SYNDIG1: variants seen among roughly 807,000 people sequenced by gnomAD.
SYNDIG1 encodes the protein synapse differentiation inducing 1.
SYNDIG1 carries 9 observed loss-of-function variants against 19.4 expected under a neutral mutation model. The ratio of observed to expected loss-of-function variants is 0.46; its 90% CI spans 0.28 to 0.81. SYNDIG1 has a LOEUF of 0.81. Ranked by LOEUF, SYNDIG1 falls within the 30% of genes least tolerant of loss-of-function variation. The probability of loss-of-function intolerance (pLI) is 0.12; values close to 1 mark genes in which losing one functional copy is unlikely to be tolerated. For missense variants in SYNDIG1, 311 were observed against 343.3 expected (o/e 0.91, Z 0.74); for synonymous variants, 141 against 145.9 (o/e 0.97, Z 0.24).
chr20:24,655,030 G>A (rs1048946236), intron 3 of SYNDIG1, among the ~76,000 whole-genome samples: 10 of 152,192 alleles, frequency 6.6e-5, no homozygotes, highest in Admixed American at 3.3e-4. Context: ...GGTGTGTGTT[G>A]CAGGGACAAG....
At position 24,508,218 on chromosome 20, in the gene SYNDIG1, ATTTTTTTTTTTTTT is replaced by A. The variant is rs34436263; in HGVS notation, c.-78-34787_-78-34774del. Among the ~76,000 whole-genome samples the A allele has an allele frequency of 4.5e-3, 330 of 73,252 alleles. 8 individuals are homozygous for A. The highest frequency in any genetic ancestry group is 0.019 in the African/African-American group (317 of 16,542). The allele number at this position is 73,252 out of a possible 152,430, so 48.1% of individuals were successfully genotyped here. On this transcript the variant is annotated intron_variant, in intron 1 of 3. Coordinates refer to ENST00000376862, the MANE Select transcript of SYNDIG1 (RefSeq NM_024893.3). ...TGGAAAATTAAAATTAAGGAGGATAATTTTTTTTTTTTTTTTTTTTTTTTTTTTGTGACAGAGTC... is the reference window on the plus strand; with the variant it reads ...TGGAAAATTAAAATTAAGGAGGATAATTTTTTTTTTTTTTGTGACAGAGTC...
chr20:24,582,955 C>T (rs973852673), intron 2 of SYNDIG1, among the ~76,000 whole-genome samples: 2 of 152,292 alleles, frequency 1.3e-5, no homozygotes, highest in African/African-American at 2.4e-5. Flanking sequence ...CAGGTCCCTG[C>T]CCTGCAGGCT....
chr20:24,662,068 T>A lies in SYNDIG1; in HGVS notation c.619-3278T>A, dbSNP rs546690318. ...AGCTCTCGGTCCTTTGACAGCCAGT[T>A]CCTTTGACTTGGCCACTTGATAGTG... On this transcript the variant is annotated intron_variant, in intron 3 of 3. Coordinates refer to ENST00000376862, the MANE Select transcript of SYNDIG1 (RefSeq NM_024893.3). Among the ~76,000 whole-genome samples, 30 of 152,192 alleles carry A rather than the reference T, an allele frequency of 2.0e-4. 1 individual carries two copies. The South Asian group carries it at 5.2e-3, about 26-fold the overall frequency.
chr20:24,532,151 A>C (rs2057273204), intron 1 of SYNDIG1, among the ~76,000 whole-genome samples: 1 of 152,216 alleles, frequency 6.6e-6, no homozygotes, highest in East Asian at 1.9e-4. Flanking sequence ...GAAAAAGAAC[A>C]CACTGTCTTA....
intron 2 of SYNDIG1, among the ~76,000 whole-genome samples, chr20:24,568,774 G>A (rs1385063482): frequency 2.0e-5 from 3 of 152,164 alleles, no homozygotes; most frequent in Admixed American, 2.0e-4. Flanking sequence ...TAACAATTAG[G>A]GCCGAAGAAA....
At chr20:24,576,939 A>G (rs1307282627) in intron 2 of SYNDIG1, among the ~76,000 whole-genome samples, 1 of 152,196 alleles carries the variant, frequency 6.6e-6, no homozygotes, top group Non-Finnish European at 1.5e-5. Flanking sequence ...CAAGCTTTTT[A>G]AAAGGCAGTT....
intron 3 of SYNDIG1, among the ~76,000 whole-genome samples, chr20:24,613,230 C>T (rs896833543): frequency 2.6e-5 from 4 of 152,216 alleles, no homozygotes; most frequent in African/African-American, 9.6e-5. Context: ...GGCCAACTTA[C>T]TCCCTGTCCC....
rs569208186 is a variant in SYNDIG1, at chr20:24,619,528, C to T, written c.618+34535C>T. ...AGTCTGCCATCCTCATGTTCCTGTTCGTAGATGATTCTCAGGGGAGCTGGT... is the reference window on the plus strand; with the variant it reads ...AGTCTGCCATCCTCATGTTCCTGTTTGTAGATGATTCTCAGGGGAGCTGGT... On this transcript the variant is annotated intron_variant, in intron 3 of 3. Coordinates refer to ENST00000376862, the MANE Select transcript of SYNDIG1 (RefSeq NM_024893.3). Among the ~76,000 whole-genome samples the T allele has an allele frequency of 8.5e-5, 13 of 152,294 alleles. No homozygotes were observed. The South Asian group carries it at 2.7e-3, about 32-fold the overall frequency.
chr20:24,577,360 G>A (rs6132750), intron 2 of SYNDIG1, among the ~76,000 whole-genome samples: 59,510 of 152,194 alleles, frequency 0.39, 11,891 homozygotes, highest in Middle Eastern at 0.52. Flanking sequence ...GGCAGCCCAC[G>A]GAAAACCCCT....
intron 1 of SYNDIG1, among the ~76,000 whole-genome samples, chr20:24,520,960 C>G (rs975654758): frequency 2.0e-5 from 3 of 152,318 alleles, no homozygotes; most frequent in South Asian, 4.2e-4. Context: ...GACCTTGTCC[C>G]CATTAAGCAG....
intron 2 of SYNDIG1, among the ~76,000 whole-genome samples, chr20:24,548,304 A>T (rs189422874): frequency 1.3e-5 from 2 of 152,318 alleles, no homozygotes; most frequent in Admixed American, 1.3e-4. Context: ...CTTCTGTTTC[A>T]GCATTATGCC....
intron 2 of SYNDIG1, among the ~76,000 whole-genome samples, chr20:24,545,218 C>T (rs1284877921): frequency 6.6e-6 from 1 of 152,004 alleles, no homozygotes; most frequent in Non-Finnish European, 1.5e-5. Context: ...GGGAAGCCCA[C>T]TGGCAGGGAG....
At chr20:24,546,714 A>G (rs1177239648) in intron 2 of SYNDIG1, among the ~76,000 whole-genome samples, 1 of 152,282 alleles carries the variant, frequency 6.6e-6, no homozygotes, top group African/African-American at 2.4e-5. Flanking sequence ...GGGTCACAAT[A>G]TAGGGAAGTG....
At chr20:24,484,603 C>T (rs117707235) in intron 1 of SYNDIG1, among the ~76,000 whole-genome samples, 3,580 of 152,144 alleles carry the variant, frequency 0.024, 71 homozygotes, top group Non-Finnish European at 0.037. Flanking sequence ...GGGCCATATC[C>T]AGGAATAGAT....
chr20:24,471,399 C>G (rs920170068), intron 1 of SYNDIG1, among the ~76,000 whole-genome samples: 1 of 151,616 alleles, frequency 6.6e-6, no homozygotes, highest in Admixed American at 6.6e-5. Flanking sequence ...GTGGTGTGGC[C>G]CGTTCTTTTG....
chr20:24,619,112 AG>A, intron 3 of SYNDIG1, among the ~76,000 whole-genome samples: 1 of 152,318 alleles, frequency 6.6e-6, no homozygotes, highest in African/African-American at 2.4e-5. Context: ...GTTAAAGAAA[AG>A]CTGTGGTCTT....
chr20:24,570,545 A>G (rs2146938591), intron 2 of SYNDIG1, among the ~76,000 whole-genome samples: 1 of 152,378 alleles, frequency 6.6e-6, no homozygotes, highest in Admixed American at 6.5e-5. Flanking sequence ...ATAAGCACAC[A>G]AGAAAGATAT....
intron 3 of SYNDIG1, among the ~76,000 whole-genome samples, chr20:24,634,725 G>A (rs1346378298): frequency 6.6e-6 from 1 of 152,052 alleles, no homozygotes; most frequent in Non-Finnish European, 1.5e-5. Context: ...TTAATTTGTA[G>A]ACCTTATTTT....
intron 1 of SYNDIG1, among the ~76,000 whole-genome samples, chr20:24,504,269 T>G (rs1046020583): frequency 1.3e-5 from 2 of 152,232 alleles, no homozygotes; most frequent in Non-Finnish European, 2.9e-5. Context: ...GGAGAGCAGT[T>G]TTATGCTTTG....
Sources: allele counts gnomAD v4.1 joint callset (sites outside exome capture counted in the v4.1 genomes callset), GRCh38; gene constraint gnomAD v4.1.1; transcripts MANE v1.5; gene names NCBI Gene and HGNC (gene_info 2026-07-23, HGNC 2026-07-21).